Variants in DOCK1 observed in about 807,000 individuals in gnomAD.
DOCK1 encodes the protein dedicator of cytokinesis 1, also known as dedicator of cytokinesis protein 1.
A neutral mutation model predicts 262.7 loss-of-function variants in DOCK1; 138 were observed. The observed-to-expected ratio is 0.53, with a 90% CI of 0.46 to 0.61. The LOEUF is 0.61. Among genes scored for constraint, DOCK1 ranks in the 20% least tolerant of loss-of-function variants. The pLI is 0.00. For missense variants in DOCK1, 1,908 were observed against 2,370.7 expected, an observed-to-expected ratio of 0.80 and a Z score of 4.05; for synonymous variants, 866 against 867.4, an observed-to-expected ratio of 1.00 and a Z score of 0.03.
intron 29 of DOCK1, among the ~76,000 whole-genome samples, chr10:127,285,885 C>G (rs370460143): frequency 6.6e-6 from 1 of 152,304 alleles, no homozygotes; most frequent in East Asian, 1.9e-4. Context: ...GTGAAACTAC[C>G]TAAGCAGGTC....
chr10:127,364,252 C>G (rs892331021), intron 33 of DOCK1, among the ~76,000 whole-genome samples: 1 of 152,232 alleles, frequency 6.6e-6, no homozygotes, highest in Non-Finnish European at 1.5e-5. Context: ...GAGCCGTTTC[C>G]TTTAACCTCT....
At chr10:127,022,836 C>G (rs989816815) in intron 13 of DOCK1, among the ~76,000 whole-genome samples, 1 of 152,166 alleles carries the variant, frequency 6.6e-6, no homozygotes, top group African/African-American at 2.4e-5. Flanking sequence ...CTCAGACAGC[C>G]GTAGCCAGCC....
chr10:127,058,428 T>G (rs2045315666), intron 22 of DOCK1, among the ~76,000 whole-genome samples: 1 of 152,028 alleles, frequency 6.6e-6, no homozygotes, highest in Non-Finnish European at 1.5e-5. Flanking sequence ...CCTCTTATAA[T>G]ACAACATATA....
At position 127,451,071 on chromosome 10, in the gene DOCK1, G is replaced by A. The variant is rs538599459; in HGVS notation, c.5566-261G>A. Among the ~76,000 whole-genome samples the A allele has an allele frequency of 3.9e-5, 6 of 152,232 alleles. No homozygotes were observed. In the South Asian group the frequency reaches 8.3e-4, roughly 21 times the overall value. ...TAGCATCTAGATTTAAAAAGGCCAC[G>A]CAAAGGGCAATGGTACCTCTCAGGG... On this transcript the variant is annotated intron_variant, in intron 51 of 51. Coordinates refer to ENST00000623213, the MANE Select transcript of DOCK1 (RefSeq NM_001290223.2).
At chr10:127,331,022 T>C (rs771421189) in intron 29 of DOCK1, among the ~76,000 whole-genome samples, 3 of 152,168 alleles carry the variant, frequency 2.0e-5, no homozygotes, top group Non-Finnish European at 4.4e-5. Flanking sequence ...CAGGAGGGCA[T>C]GCAGTGTCAA....
Position 126,905,506 on chromosome 10 carries a change from T to C in DOCK1, c.-12T>C. ...AGTTTCCTGCCCGACCCGCGGCGGCTCCGGCGGCGCCATGACGCGCTGGGT... is the reference window on the plus strand; with the variant it reads ...AGTTTCCTGCCCGACCCGCGGCGGCCCCGGCGGCGCCATGACGCGCTGGGT... On this transcript the variant is annotated 5_prime_UTR_variant, in exon 1 of 52. Coordinates refer to ENST00000623213, the MANE Select transcript of DOCK1 (RefSeq NM_001290223.2). 3 of 531,534 alleles carry C rather than the reference T, an allele frequency of 5.6e-6. No homozygotes were observed. The highest frequency in any genetic ancestry group is 5.9e-5 in the Admixed American group (2 of 34,120). 32.9% of individuals were successfully genotyped at this position (531,534 alleles called of 1,614,324 possible). A position where few individuals can be genotyped will look rare whatever the true frequency, so the allele number is the denominator to read the frequency against.
intron 4 of DOCK1, among the ~76,000 whole-genome samples, chr10:126,984,033 C>T (rs771912525): frequency 6.6e-6 from 1 of 152,202 alleles, no homozygotes; most frequent in Non-Finnish European, 1.5e-5. Flanking sequence ...TCTTATTATG[C>T]TGACCTACTG....
At chr10:127,290,677 A>G (rs997989560) in intron 29 of DOCK1, among the ~76,000 whole-genome samples, 1 of 152,232 alleles carries the variant, frequency 6.6e-6, no homozygotes, top group Non-Finnish European at 1.5e-5. Context: ...GGGCTCATAC[A>G]GTAGGTAACC....
At chr10:127,186,468 G>T (rs562666643) in intron 27 of DOCK1, among the ~76,000 whole-genome samples, 1 of 129,286 alleles carries the variant, frequency 7.7e-6, no homozygotes, top group African/African-American at 2.9e-5. Context: ...GATCTCCTGC[G>T]ATTTCACTCA....
intron 38 of DOCK1, among the ~76,000 whole-genome samples, chr10:127,391,462 T>A (rs1038990709): frequency 1.3e-5 from 2 of 152,228 alleles, no homozygotes; most frequent in African/African-American, 2.4e-5. Flanking sequence ...ATACCTATTT[T>A]ATTATTAAAA....
At chr10:127,323,247 A>AT (rs968887708) in intron 29 of DOCK1, among the ~76,000 whole-genome samples, 1 of 152,126 alleles carries the variant, frequency 6.6e-6, no homozygotes, top group African/African-American at 2.4e-5. Context: ...CACAGGAGAC[A>AT]TTATCTTCCC....
chr10:127,167,257 T>C (rs1218823334), intron 27 of DOCK1, among the ~76,000 whole-genome samples: 2 of 152,178 alleles, frequency 1.3e-5, no homozygotes, highest in Non-Finnish European at 2.9e-5. Context: ...TGATAACTTA[T>C]ATTTGGGGTT....
intron 27 of DOCK1, among the ~76,000 whole-genome samples, chr10:127,160,854 T>C (rs2053537958): frequency 6.6e-6 from 1 of 152,260 alleles, no homozygotes; most frequent in Non-Finnish European, 1.5e-5. Context: ...CGTTTTTTTC[T>C]TCTGCATTCT....
At chr10:127,403,217 A>C in intron 39 of DOCK1, 73 bp downstream of exon 39, 1 of 1,469,786 alleles carries the variant, frequency 6.8e-7, no homozygotes, top group Non-Finnish European at 9.3e-7. Flanking sequence ...CTCTCTTTCC[A>C]TGTCAATGTT....
At chr10:127,026,506 C>T in intron 16 of DOCK1, 82 bp downstream of exon 16, 1 of 1,248,720 alleles carries the variant, frequency 8.0e-7, no homozygotes, top group Non-Finnish European at 1.1e-6. Flanking sequence ...CTCAGTTGTT[C>T]TGGAACTCGC....
intron 46 of DOCK1, among the ~76,000 whole-genome samples, chr10:127,420,708 G>A (rs189728327): frequency 2.7e-3 from 407 of 151,954 alleles, no homozygotes; most frequent in African/African-American, 8.5e-3. Flanking sequence ...GCGTGGTGGT[G>A]CACGCCTATA....
chr10:127,000,843 C>T (rs191680763), intron 10 of DOCK1: 68 of 149,692 alleles, frequency 4.5e-4, no homozygotes, highest in Admixed American at 1.5e-3. Flanking sequence ...GCTCTTTCTC[C>T]GCCATGTTGG....
At chr10:126,962,592 C>G (rs1312066997) in intron 1 of DOCK1, among the ~76,000 whole-genome samples, 1 of 152,230 alleles carries the variant, frequency 6.6e-6, no homozygotes, top group African/African-American at 2.4e-5. Context: ...CCATGGCGCC[C>G]AGCCCCCAGG....
intron 27 of DOCK1, among the ~76,000 whole-genome samples, chr10:127,161,537 A>C (rs550249029): frequency 6.6e-6 from 1 of 152,284 alleles, no homozygotes; most frequent in African/African-American, 2.4e-5. Flanking sequence ...GAAGAGCACA[A>C]ATTGTGACCC....
Sources: gnomAD v4.1 joint callset for allele counts (sites outside exome capture counted in the v4.1 genomes callset) on GRCh38, gnomAD v4.1.1 for gene constraint, MANE v1.5 for transcripts, NCBI Gene and HGNC (gene_info 2026-07-23, HGNC 2026-07-21) for gene names.